RAB8B: variants seen among roughly 807,000 people sequenced by gnomAD.
The protein encoded by RAB8B is ras-related protein Rab-8B.
RAB8B carries 11 observed loss-of-function variants against 32.0 expected under a neutral mutation model. The ratio of observed to expected loss-of-function variants is 0.34; its 90% CI spans 0.22 to 0.57. The LOEUF (loss-of-function observed/expected upper bound fraction) is 0.57, where lower values mean the gene tolerates loss of function less well. Among genes scored for constraint, RAB8B ranks in the 20% least tolerant of loss-of-function variants. The pLI is 0.86. For missense variants in RAB8B, 190 were observed against 258.5 expected (o/e 0.73, Z 1.82); for synonymous variants, 103 against 89.6 (o/e 1.15, Z -0.85).
intron 1 of RAB8B, among the ~76,000 whole-genome samples, chr15:63,217,919 C>T (rs1456023007): frequency 1.3e-5 from 2 of 152,166 alleles, no homozygotes; most frequent in Admixed American, 1.3e-4. Context: ...ATAGTAATAA[C>T]TGCTGTTAAA....
chr15:63,255,594 GA>G lies in RAB8B; in HGVS notation c.324+13del. On this transcript the variant is annotated intron_variant, in intron 4 of 7. Transcript: ENST00000321437. ...CAGAAACATTGAAGAGGTATGTGTG[GA>G]AAGAGAATGGTGACATTGGAGAAGA... 6.4e-7 allele frequency: 1 copy of G among 1,574,558 alleles called. No homozygotes were observed. Among genetic ancestry groups the G allele is most frequent in the South Asian group, 1.1e-5 (1 of 90,176 alleles).
intron 1 of RAB8B, among the ~76,000 whole-genome samples, chr15:63,223,583 G>T (rs748068404): frequency 6.6e-5 from 10 of 152,190 alleles, no homozygotes; most frequent in Non-Finnish European, 1.2e-4. Flanking sequence ...CGTAGACTAG[G>T]TGTGTAGTAC....
intron 1 of RAB8B, among the ~76,000 whole-genome samples, chr15:63,226,305 C>T (rs544890511): frequency 1.3e-5 from 2 of 152,132 alleles, no homozygotes; most frequent in South Asian, 2.1e-4. Context: ...AAGCAGCCTC[C>T]GTCAGTTTTC....
intron 7 of RAB8B, among the ~76,000 whole-genome samples, chr15:63,263,287 A>G (rs1010870956): frequency 6.6e-6 from 1 of 152,174 alleles, no homozygotes; most frequent in Non-Finnish European, 1.5e-5. Context: ...TATTGAATAC[A>G]TTATTGATAT....
chr15:63,214,141 G>A (rs1341325610), intron 1 of RAB8B, among the ~76,000 whole-genome samples: 2 of 152,148 alleles, frequency 1.3e-5, no homozygotes, highest in East Asian at 1.9e-4. Context: ...GAAATTTCCA[G>A]TGTTTAAAAA....
intron 1 of RAB8B, among the ~76,000 whole-genome samples, chr15:63,220,880 G>A (rs1052665147): frequency 6.6e-6 from 1 of 152,046 alleles, no homozygotes; most frequent in Non-Finnish European, 1.5e-5. Context: ...CATTTATCAG[G>A]CACTTATTTA....
chr15:63,202,600 A>G (rs1264853277), intron 1 of RAB8B, among the ~76,000 whole-genome samples: 1 of 152,336 alleles, frequency 6.6e-6, no homozygotes, highest in African/African-American at 2.4e-5. Flanking sequence ...GTCTGTCCAC[A>G]TGGGGACTGT....
intron 3 of RAB8B, among the ~76,000 whole-genome samples, chr15:63,254,876 C>T (rs1324871900): frequency 6.6e-6 from 1 of 152,058 alleles, no homozygotes; most frequent in Non-Finnish European, 1.5e-5. Context: ...CATGCCACTG[C>T]ACTCCAGCCT....
intron 3 of RAB8B, among the ~76,000 whole-genome samples, chr15:63,254,780 C>T (rs1300464700): frequency 6.6e-6 from 1 of 151,948 alleles, no homozygotes; most frequent in African/African-American, 2.4e-5. Flanking sequence ...TGTGTGGTGG[C>T]GGGCGCCTGT....
chr15:63,246,833 T>C (rs2038076206), intron 2 of RAB8B, among the ~76,000 whole-genome samples: 1 of 152,210 alleles, frequency 6.6e-6, no homozygotes, highest in African/African-American at 2.4e-5. Context: ...TCCTATCCTG[T>C]GGCTGAACAG....
rs2038248659 is a variant in RAB8B, at chr15:63,266,454, GA to G, written c.*2838del. 1 of 152,570 alleles carries G rather than the reference GA, an allele frequency of 6.6e-6. No homozygotes were observed. The highest frequency in any genetic ancestry group is 1.5e-5 in the Non-Finnish European group (1 of 67,982). 9.5% of individuals were successfully genotyped at this position (152,570 alleles called of 1,614,324 possible). ...GCTGCAGGGTTTCTTACTATTTACA[GA>G]AACATTTTGTGCAGTCTTTGTTATA... is the stretch of plus-strand genomic sequence containing the variant. On this transcript the variant is annotated 3_prime_UTR_variant, in exon 8 of 8. Coordinates refer to ENST00000321437, the MANE Select transcript of RAB8B (RefSeq NM_016530.3).
At position 63,248,465 on chromosome 15, in the gene RAB8B, T is replaced by C. The variant is rs1309030794; in HGVS notation, c.186-1180T>C. ...AGGCAGAGGTTGCAGTGAGCCAGGATTGTGCCACTGGACCCCAGCCTGGGT... is the reference window on the plus strand; with the variant it reads ...AGGCAGAGGTTGCAGTGAGCCAGGACTGTGCCACTGGACCCCAGCCTGGGT... On this transcript the variant is annotated intron_variant, in intron 2 of 7. Coordinates refer to ENST00000321437, the MANE Select transcript of RAB8B (RefSeq NM_016530.3). The surrounding 1 kb of genome is among the most constrained non-coding windows in gnomAD (Gnocchi z 4.4). Among the ~76,000 whole-genome samples, 1 of 152,128 alleles carries C rather than the reference T, an allele frequency of 6.6e-6. No individual in the cohort carries two copies. Among genetic ancestry groups the C allele is most frequent in the Non-Finnish European group, 1.5e-5 (1 of 68,014 alleles).
chr15:63,194,767 C>T (rs2037586945), intron 1 of RAB8B, among the ~76,000 whole-genome samples: 2 of 152,126 alleles, frequency 1.3e-5, no homozygotes, highest in South Asian at 2.1e-4. Context: ...CCAAGTGTGA[C>T]CTGCAGCCTG....
chr15:63,222,343 T>C (rs2037851426), intron 1 of RAB8B, among the ~76,000 whole-genome samples: 1 of 152,240 alleles, frequency 6.6e-6, no homozygotes, highest in South Asian at 2.1e-4. Context: ...GGGGTGGTAG[T>C]GGCTCCCTGC....
At chr15:63,230,820 C>G (rs934980892) in intron 1 of RAB8B, among the ~76,000 whole-genome samples, 3 of 152,164 alleles carry the variant, frequency 2.0e-5, no homozygotes. Flanking sequence ...CTCTGTCTCC[C>G]GAGTAGCTAG....
rs763449129 is a variant in RAB8B at position 63,256,579 on chromosome 15, A to T, written c.399A>T (p.Lys133Asn). ...TGAATGACAAAAGACAAGTGTCAAA[A>T]GAAAGAGGGGAGAAGGTAAATGTGA... is the stretch of plus-strand genomic sequence containing the variant. Reference protein sequence around the residue: ...CDMNDKRQVSKERGEKLAIDY... With the variant: ...CDMNDKRQVSNERGEKLAIDY... The change falls in exon 5 of 8, where the codon AAA becomes AAT. Residue 133 changes from lysine (K) to asparagine (N), a missense_variant. Around this residue, in one of 2 missense-constraint regions of RAB8B, gnomAD observed 110 missense variants for 115.9 expected, o/e 0.95. Coordinates refer to ENST00000321437, the MANE Select transcript of RAB8B (RefSeq NM_016530.3). The T allele has an allele frequency of 6.2e-7, 1 of 1,600,722 alleles. No homozygotes were observed. The highest frequency in any genetic ancestry group is 1.7e-5 in the Admixed American group (1 of 57,952).
chr15:63,216,968 T>C (rs895266832), intron 1 of RAB8B, among the ~76,000 whole-genome samples: 6 of 152,162 alleles, frequency 3.9e-5, no homozygotes, highest in African/African-American at 1.4e-4. Context: ...GGACTTTTGC[T>C]AGAGAGAAGT....
chr15:63,256,760 T>C (rs1458854956), intron 5 of RAB8B, among the ~76,000 whole-genome samples, 166 bp downstream of exon 5: 1 of 152,204 alleles, frequency 6.6e-6, no homozygotes, highest in African/African-American at 2.4e-5. Flanking sequence ...TGTGAATTAG[T>C]ATTCGAGATC....
At chr15:63,245,146 C>G (rs980836564) in intron 2 of RAB8B, among the ~76,000 whole-genome samples, 1 of 152,182 alleles carries the variant, frequency 6.6e-6, no homozygotes, top group African/African-American at 2.4e-5. Context: ...TCTGATAAGA[C>G]AGAGTAGTCA....
Sources: gnomAD v4.1 joint callset for allele counts (sites outside exome capture counted in the v4.1 genomes callset) on GRCh38, gnomAD v4.1.1 for gene constraint, gnomAD v4.1.1 regional missense constraint, Gnocchi (gnomAD v3.1) non-coding constraint, MANE v1.5 for transcripts, NCBI Gene and HGNC (gene_info 2026-07-23, HGNC 2026-07-21) for gene names.